The following TNR variants were observed in gnomAD, a reference collection of about 807,000 sequenced individuals.
The protein encoded by TNR is tenascin R, also known as tenascin-R.
A neutral mutation model predicts 150.4 loss-of-function variants in TNR; 45 were observed. The ratio of observed to expected loss-of-function variants is 0.30; its 90% CI spans 0.24 to 0.38. The LOEUF is 0.38. Ranked by LOEUF, TNR falls within the 10% of genes least tolerant of loss-of-function variation. TNR has a pLI of 1.00. For synonymous variants in TNR, 687 were observed against 678.4 expected, an observed-to-expected ratio of 1.01 and a Z score of -0.20; for missense variants, 1,544 against 1,759.1, an observed-to-expected ratio of 0.88 and a Z score of 2.19.
At chr1:175,693,572 T>C (rs1454125211) in intron 1 of TNR, among the ~76,000 whole-genome samples, 1 of 152,208 alleles carries the variant, frequency 6.6e-6, no homozygotes, top group African/African-American at 2.4e-5. Flanking sequence ...TACGCTGTCA[T>C]TCACAATGCC....
chr1:175,332,592 C>T (rs866133448), intron 20 of TNR, among the ~76,000 whole-genome samples: 1 of 152,168 alleles, frequency 6.6e-6, no homozygotes, highest in African/African-American at 2.4e-5. Context: ...CAAGTAAAGA[C>T]TTCTCTTTCT....
chr1:175,486,181 T>C (rs1386905963), intron 2 of TNR, among the ~76,000 whole-genome samples: 1 of 152,028 alleles, frequency 6.6e-6, no homozygotes, highest in African/African-American at 2.4e-5. Flanking sequence ...ATGTGCAGGT[T>C]TGTTGCATCG....
chr1:175,452,918 G>A (rs917464533), intron 2 of TNR, among the ~76,000 whole-genome samples: 18 of 152,264 alleles, frequency 1.2e-4, no homozygotes, highest in South Asian at 2.1e-4. Context: ...TGGATGAACC[G>A]TGAAGTCATT....
chr1:175,403,803 C>G (rs150429404), intron 3 of TNR, among the ~76,000 whole-genome samples, 187 bp from the exon 4 acceptor site: 129 of 152,264 alleles, frequency 8.5e-4, no homozygotes, highest in African/African-American at 2.9e-3. Context: ...GCTGTCTGTG[C>G]CTAGCACAGG....
In TNR at chr1:175,412,755, G is replaced by A. The variant is rs530294100; in HGVS notation, c.-63-5978C>T. 2.0e-5 allele frequency among the ~76,000 whole-genome samples: 3 copies of A among 152,290 alleles called. No homozygotes were observed. In the East Asian group the frequency reaches 5.8e-4, roughly 29 times the overall value. ...TGCTGCTTTTCTAGGGGAAGGCAGA[G>A]AAAGAAGATAGAATGAATGGCATGA... On this transcript the variant is annotated intron_variant, in intron 2 of 22. Transcript: ENST00000367674.
At position 175,331,057 on chromosome 1, in the gene TNR, CTTT is replaced by C. The variant is rs1557867743; in HGVS notation, c.3632-825_3632-823del. Among the ~76,000 whole-genome samples, 29 of 119,912 alleles carry C rather than the reference CTTT, an allele frequency of 2.4e-4. 1 individual carries two copies. Among genetic ancestry groups the C allele is most frequent in the Admixed American group, 7.8e-4 (9 of 11,470 alleles). 78.7% of individuals were successfully genotyped at this position (119,912 alleles called of 152,430 possible). ...TCTTTCTTTCTTTCTTTCTTTCTTT[CTTT>C]CTTTCTTTCTTTCTTTCCTTCTTTC... On this transcript the variant is annotated intron_variant, in intron 20 of 22. Transcript: ENST00000367674.
At chr1:175,394,579 G>A (rs1653334882) in intron 5 of TNR, among the ~76,000 whole-genome samples, 1 of 152,202 alleles carries the variant, frequency 6.6e-6, no homozygotes, top group African/African-American at 2.4e-5. Context: ...AGATGGAAGT[G>A]TGCTTGTCCT....
intron 1 of TNR, among the ~76,000 whole-genome samples, chr1:175,531,475 C>T (rs1321101964): frequency 6.6e-6 from 1 of 152,150 alleles, no homozygotes; most frequent in African/African-American, 2.4e-5. Context: ...GTTCTAGAGG[C>T]AAAACCACTG....
chr1:175,436,492 G>T (rs533560760), intron 2 of TNR, among the ~76,000 whole-genome samples: 1 of 152,166 alleles, frequency 6.6e-6, no homozygotes, highest in African/African-American at 2.4e-5. Context: ...GCTCCATCAG[G>T]TCCTTTAAGG....
At chr1:175,672,051 A>G (rs1558065563) in intron 1 of TNR, among the ~76,000 whole-genome samples, 1 of 152,186 alleles carries the variant, frequency 6.6e-6, no homozygotes, top group Non-Finnish European at 1.5e-5. Context: ...ATATTTGAAT[A>G]AAGAGATGGA....
intron 8 of TNR, among the ~76,000 whole-genome samples, chr1:175,382,875 T>A (rs1397784727): frequency 6.8e-6 from 1 of 148,020 alleles, no homozygotes; most frequent in Non-Finnish European, 1.5e-5. Context: ...CACTCCAGAC[T>A]GGGTGACAGA....
At chr1:175,426,348 T>C (rs1654967574) in intron 2 of TNR, among the ~76,000 whole-genome samples, 1 of 152,162 alleles carries the variant, frequency 6.6e-6, no homozygotes, top group Non-Finnish European at 1.5e-5. Flanking sequence ...CTCCCCTGCC[T>C]GAATCTACCG....
At chr1:175,530,587 T>G (rs778436907) in intron 1 of TNR, among the ~76,000 whole-genome samples, 1 of 152,232 alleles carries the variant, frequency 6.6e-6, no homozygotes, top group African/African-American at 2.4e-5. Flanking sequence ...TTGTTTATAG[T>G]TTTTAACTGA....
intron 1 of TNR, among the ~76,000 whole-genome samples, chr1:175,685,781 C>T (rs551507256): frequency 3.0e-4 from 45 of 152,200 alleles, no homozygotes; most frequent in Non-Finnish European, 5.9e-4. Flanking sequence ...CTGCAAAATC[C>T]CATAATTATT....
chr1:175,600,371 T>C (rs2101846258), intron 1 of TNR, among the ~76,000 whole-genome samples: 1 of 152,360 alleles, frequency 6.6e-6, no homozygotes, highest in Middle Eastern at 3.4e-3. Context: ...AGAAGTGATC[T>C]TCCATTGCAG....
At chr1:175,652,811 G>A (rs1419601237) in intron 1 of TNR, among the ~76,000 whole-genome samples, 1 of 152,182 alleles carries the variant, frequency 6.6e-6, no homozygotes, top group Non-Finnish European at 1.5e-5. Flanking sequence ...GTCTCAGGTA[G>A]TTCTTTATAG....
chr1:175,533,939 T>C lies in TNR; in HGVS notation c.-164-5570A>G, dbSNP rs966533710. On this transcript the variant is annotated intron_variant, in intron 1 of 22. Coordinates refer to ENST00000367674, the MANE Select transcript of TNR (RefSeq NM_003285.3). ...CATTTTGATGACTGTACCAGCAGCA[T>C]TTTATTAACACCCCGCTCCTCCTCC... Among the ~76,000 whole-genome samples the C allele has an allele frequency of 3.9e-5, 6 of 152,258 alleles. No individual in the cohort carries two copies. In the East Asian group the frequency reaches 1.2e-3, roughly 29 times the overall value.
At chr1:175,715,792 G>A (rs1667142142) in intron 1 of TNR, among the ~76,000 whole-genome samples, 1 of 152,224 alleles carries the variant, frequency 6.6e-6, no homozygotes, top group African/African-American at 2.4e-5. Context: ...ACCTGTGTGT[G>A]TCTGGGGCTT....
chr1:175,332,862 C>T (rs933569093), intron 20 of TNR, among the ~76,000 whole-genome samples: 6 of 152,158 alleles, frequency 3.9e-5, no homozygotes, highest in Non-Finnish European at 5.9e-5. Flanking sequence ...ACAGTGTTAC[C>T]CAGTGTGGAT....
Sources: gnomAD v4.1 joint callset for allele counts (sites outside exome capture counted in the v4.1 genomes callset) on GRCh38, gnomAD v4.1.1 for gene constraint, MANE v1.5 for transcripts, NCBI Gene and HGNC (gene_info 2026-07-23, HGNC 2026-07-21) for gene names.